The following NTRK2 variants were observed in gnomAD, a reference collection of about 807,000 sequenced individuals.
NTRK2 encodes the protein BDNF/NT-3 growth factors receptor.
NTRK2 carries 13 observed loss-of-function variants against 94.5 expected under a neutral mutation model. That is an observed-to-expected ratio of 0.14 (90% CI 0.09 to 0.22). The LOEUF (loss-of-function observed/expected upper bound fraction) is 0.22. Among genes scored for constraint, NTRK2 ranks in the 10% least tolerant of loss-of-function variants. The pLI, the probability that NTRK2 is intolerant of heterozygous loss-of-function variation, is 1.00. For synonymous variants in NTRK2, 372 were observed against 407.4 expected, an observed-to-expected ratio of 0.91 and a Z score of 1.05; for missense variants, 639 against 1,071.2, an observed-to-expected ratio of 0.60 and a Z score of 5.63.
At chr9:84,997,173 A>G (rs1246657222) in intron 17 of NTRK2, among the ~76,000 whole-genome samples, 1 of 152,212 alleles carries the variant, frequency 6.6e-6, no homozygotes, top group Non-Finnish European at 1.5e-5. Flanking sequence ...AAGAGCTGGT[A>G]GCCAGACAGG....
intron 17 of NTRK2, among the ~76,000 whole-genome samples, chr9:84,961,322 A>C (rs191012370): frequency 4.7e-4 from 72 of 152,348 alleles, no homozygotes; most frequent in African/African-American, 1.6e-3. Context: ...ATGAACAATT[A>C]TAGATCTTTC....
rs539481548 is a variant in NTRK2, at chr9:84,977,552, G to T, written c.2172+22035G>T. Among the ~76,000 whole-genome samples, 3 of 152,292 alleles carry T rather than the reference G, an allele frequency of 2.0e-5. No individual in the cohort carries two copies. In the South Asian group the frequency reaches 6.2e-4, roughly 32 times the overall value. On this transcript the variant is annotated intron_variant, in intron 17 of 18. Coordinates refer to ENST00000277120, the MANE Select transcript of NTRK2 (RefSeq NM_006180.6). ...TCTGTGCATGGTTGTGAATGACTGT[G>T]GAAGAACCTTGAGTGTTGGTTTTGA...
At chr9:84,996,801 G>A (rs1243931852) in intron 17 of NTRK2, among the ~76,000 whole-genome samples, 1 of 152,234 alleles carries the variant, frequency 6.6e-6, no homozygotes, top group East Asian at 1.9e-4. Context: ...GGTAGAGAGA[G>A]ACACAGGCTA....
chr9:84,925,023 A>G (rs1038553466), intron 14 of NTRK2, among the ~76,000 whole-genome samples: 3 of 152,136 alleles, frequency 2.0e-5, no homozygotes, highest in Non-Finnish European at 4.4e-5. Flanking sequence ...CTGAAGGTCC[A>G]CTTGCTCCTT....
intron 17 of NTRK2, among the ~76,000 whole-genome samples, chr9:84,999,290 A>G (rs1830090620): frequency 6.6e-6 from 1 of 152,180 alleles, no homozygotes; most frequent in Non-Finnish European, 1.5e-5. Flanking sequence ...AGAGTCCTCA[A>G]TTGTGACTCC....
intron 17 of NTRK2, among the ~76,000 whole-genome samples, chr9:84,990,362 C>T (rs191605962): frequency 1.4e-4 from 21 of 152,292 alleles, no homozygotes; most frequent in Middle Eastern, 3.4e-3. Flanking sequence ...TGTTGTGTAT[C>T]TTACTTAATA....
Position 84,884,126 on chromosome 9 carries a change from A to G in NTRK2, c.1633+16695A>G, listed in dbSNP as rs550050758. 9.1e-4 allele frequency among the ~76,000 whole-genome samples: 138 copies of G among 152,324 alleles called. 1 individual carries two copies. The highest frequency in any genetic ancestry group is 3.2e-3 in the African/African-American group (133 of 41,566). ...ACCGTGTTTCAATGAAAAGTATTCA[A>G]ATTGCATTTCACTACATAATGAATT... On this transcript the variant is annotated intron_variant, in intron 14 of 18. Coordinates refer to ENST00000277120, the MANE Select transcript of NTRK2 (RefSeq NM_006180.6).
intron 12 of NTRK2, among the ~76,000 whole-genome samples, chr9:84,849,193 A>AG (rs927913301): frequency 5.3e-5 from 8 of 152,166 alleles, no homozygotes; most frequent in Admixed American, 5.2e-4. Context: ...ACAGTTTGGC[A>AG]GGGGGGACTC....
intron 14 of NTRK2, among the ~76,000 whole-genome samples, chr9:84,931,858 A>G (rs2078048353): frequency 1.3e-5 from 2 of 152,136 alleles, no homozygotes; most frequent in African/African-American, 4.8e-5. Flanking sequence ...TAGGGCAGCT[A>G]ATTATCTGCA....
At chr9:84,764,563 A>G (rs1426385534) in intron 12 of NTRK2, among the ~76,000 whole-genome samples, 2 of 152,206 alleles carry the variant, frequency 1.3e-5, no homozygotes, top group Admixed American at 6.5e-5. Context: ...TACAGTTAAT[A>G]GGATCACTAT....
intron 4 of NTRK2, among the ~76,000 whole-genome samples, chr9:84,702,733 G>A (rs1213583206): frequency 6.6e-6 from 1 of 152,144 alleles, no homozygotes; most frequent in Non-Finnish European, 1.5e-5. Flanking sequence ...TTCTTCCTTG[G>A]AATAATGACA....
At chr9:84,670,164 A>G (rs1424987318) in intron 1 of NTRK2, among the ~76,000 whole-genome samples, 1 of 152,014 alleles carries the variant, frequency 6.6e-6, no homozygotes, top group East Asian at 1.9e-4. Context: ...CCTTGGCCTC[A>G]GGCTCGAAGA....
At chr9:84,920,311 T>G (rs765835533) in intron 14 of NTRK2, among the ~76,000 whole-genome samples, 1 of 152,216 alleles carries the variant, frequency 6.6e-6, no homozygotes, top group African/African-American at 2.4e-5. Context: ...GTCCTCACTT[T>G]CTTTGCAGAT....
intron 14 of NTRK2, among the ~76,000 whole-genome samples, chr9:84,906,498 G>A (rs1238835523): frequency 1.3e-5 from 2 of 152,216 alleles, no homozygotes; most frequent in South Asian, 2.1e-4. Flanking sequence ...GTCTGGTGGC[G>A]AAGGCCCCCA....
At position 85,026,650 on chromosome 9, in the gene NTRK2, A is replaced by T. The variant is rs1210452260; in HGVS notation, c.*5213A>T. The T allele has an allele frequency of 4.3e-6, 1 of 232,828 alleles. No individual in the cohort carries two copies. The highest frequency in any genetic ancestry group is 8.5e-6 in the Non-Finnish European group (1 of 117,908). 14.4% of individuals were successfully genotyped at this position (232,828 alleles called of 1,614,324 possible). ...CTATGACTTACAAATCTGCCTGGAG[A>T]TGTGGACATTCTGCATTTGCTTCTG... On this transcript the variant is annotated 3_prime_UTR_variant, in exon 19 of 19. Coordinates refer to ENST00000277120, the MANE Select transcript of NTRK2 (RefSeq NM_006180.6).
At chr9:84,887,883 A>C (rs2076466183) in intron 14 of NTRK2, among the ~76,000 whole-genome samples, 1 of 152,214 alleles carries the variant, frequency 6.6e-6, no homozygotes, top group Admixed American at 6.5e-5. Flanking sequence ...GTTAACGTTA[A>C]TTGAGGTTGC....
intron 17 of NTRK2, among the ~76,000 whole-genome samples, chr9:85,017,808 C>A (rs183491947): frequency 6.6e-6 from 1 of 152,258 alleles, no homozygotes; most frequent in Non-Finnish European, 1.5e-5. Context: ...CCACTTTGAC[C>A]ACTGGGGTTC....
intron 9 of NTRK2, among the ~76,000 whole-genome samples, chr9:84,734,715 T>C (rs2063131222): frequency 6.6e-6 from 1 of 152,198 alleles, no homozygotes; most frequent in Non-Finnish European, 1.5e-5. Flanking sequence ...ATGTAAGACG[T>C]GTCTTGCTTC....
chr9:84,975,704 G>A (rs939620033), intron 17 of NTRK2, among the ~76,000 whole-genome samples: 1 of 151,978 alleles, frequency 6.6e-6, no homozygotes, highest in African/African-American at 2.4e-5. Flanking sequence ...AATCTTTTTA[G>A]CAATTCCCAC....
Sources: allele counts gnomAD v4.1 joint callset (sites outside exome capture counted in the v4.1 genomes callset), GRCh38; gene constraint gnomAD v4.1.1; transcripts MANE v1.5; gene names NCBI Gene and HGNC (gene_info 2026-07-23, HGNC 2026-07-21).